CAPZB: variants seen among roughly 807,000 people sequenced by gnomAD.
CAPZB encodes the protein F-actin-capping protein subunit beta.
In CAPZB, 2 loss-of-function variants were observed where a neutral mutation model predicts 38.1. The ratio of observed to expected loss-of-function variants is 0.05; its 90% CI spans 0.02 to 0.17. CAPZB has a LOEUF of 0.17. CAPZB is among the 10% of genes least tolerant of loss of function. The pLI is 1.00. For missense variants in CAPZB, 161 were observed against 334.2 expected (o/e 0.48, Z 4.04); for synonymous variants, 107 against 127.4 (o/e 0.84, Z 1.08).
intron 2 of CAPZB, among the ~76,000 whole-genome samples, chr1:19,409,731 G>A (rs1312602623): frequency 2.6e-5 from 4 of 152,212 alleles, no homozygotes; most frequent in Admixed American, 1.3e-4. Flanking sequence ...AGAGAGAAGC[G>A]TTTTGCCAAA....
intron 1 of CAPZB, among the ~76,000 whole-genome samples, chr1:19,451,151 G>A (rs1370831373): frequency 6.6e-6 from 1 of 152,184 alleles, no homozygotes; most frequent in African/African-American, 2.4e-5. Context: ...AGGACCAGCT[G>A]TTGCTATTTC....
chr1:19,348,691 G>A (rs1437465528), intron 6 of CAPZB, among the ~76,000 whole-genome samples: 2 of 147,622 alleles, frequency 1.4e-5, no homozygotes, highest in Non-Finnish European at 3.0e-5. Context: ...GTCCCTGACA[G>A]GCATCTGCTC....
intron 3 of CAPZB, among the ~76,000 whole-genome samples, chr1:19,381,472 C>T (rs532097216): frequency 4.5e-4 from 68 of 152,162 alleles, no homozygotes; most frequent in African/African-American, 1.6e-3. Context: ...CCTCACAGCC[C>T]GGGAGAGGAA....
intron 2 of CAPZB, among the ~76,000 whole-genome samples, chr1:19,396,192 G>A (rs2094267945): frequency 1.3e-5 from 2 of 152,218 alleles, no homozygotes; most frequent in Admixed American, 6.5e-5. Flanking sequence ...GGGCAGTGAT[G>A]AGCTGTCTGG....
intron 1 of CAPZB, among the ~76,000 whole-genome samples, chr1:19,479,252 G>C (rs1368259343): frequency 6.6e-6 from 1 of 152,120 alleles, no homozygotes; most frequent in East Asian, 1.9e-4. Flanking sequence ...TATTCCTACA[G>C]CTGCCATGCA....
intron 1 of CAPZB, among the ~76,000 whole-genome samples, chr1:19,450,572 G>A (rs1007019373): frequency 1.3e-5 from 2 of 152,168 alleles, no homozygotes; most frequent in Non-Finnish European, 2.9e-5. Context: ...TCATAGATGA[G>A]GGGACTGAGG....
intron 1 of CAPZB, among the ~76,000 whole-genome samples, chr1:19,421,804 C>A (rs1425794501): frequency 6.6e-6 from 1 of 152,148 alleles, no homozygotes; most frequent in Non-Finnish European, 1.5e-5. Flanking sequence ...CAGTATCTTC[C>A]TTAGAGAGTG....
In CAPZB at chr1:19,448,943, G is replaced by A. The variant is rs762233431; in HGVS notation, c.4-29193C>T. The A allele has an allele frequency of 6.2e-6, 10 of 1,612,304 alleles. No individual in the cohort carries two copies. The East Asian group carries it at 6.7e-5, about 11-fold the overall frequency. On this transcript the variant is annotated intron_variant, in intron 1 of 8. Coordinates refer to ENST00000264202, the MANE Select transcript of CAPZB (RefSeq NM_004930.5). ...AGGAGGTGATGGGTTAATAACAATC[G>A]TTTTGCAGGCAGGGGAGGCGAGGGG...
chr1:19,340,997 G>C (rs536479927), intron 8 of CAPZB, among the ~76,000 whole-genome samples: 2 of 152,264 alleles, frequency 1.3e-5, no homozygotes, highest in East Asian at 1.9e-4. Context: ...TGGGCAAATG[G>C]AAGTGAAGCA....
Position 19,356,625 on chromosome 1 carries a change from G to A in CAPZB, c.588+10C>T, listed in dbSNP as rs1558181374. 2 of 1,595,206 alleles carry A rather than the reference G, an allele frequency of 1.3e-6. No individual in the cohort carries two copies. Among genetic ancestry groups the A allele is most frequent in the Admixed American group, 1.7e-5 (1 of 60,006 alleles). ...GGCACTGGCAAGTGGCTATGAGCGGGTAACTCTACCTGTCTGGTAAGGCTG... is the reference window on the plus strand; with the variant it reads ...GGCACTGGCAAGTGGCTATGAGCGGATAACTCTACCTGTCTGGTAAGGCTG... On this transcript the variant is annotated intron_variant, in intron 6 of 8. Coordinates refer to ENST00000264202, the MANE Select transcript of CAPZB (RefSeq NM_004930.5). The surrounding 1 kb of genome is among the most constrained non-coding windows in gnomAD (Gnocchi z 4.3).
At chr1:19,381,033 G>A (rs1373267356) in intron 3 of CAPZB, among the ~76,000 whole-genome samples, 4 of 152,024 alleles carry the variant, frequency 2.6e-5, no homozygotes, top group Admixed American at 1.3e-4. Flanking sequence ...GCTGGGTGTG[G>A]TGGCATGCAC....
Position 19,357,582 on chromosome 1 carries a change from T to A in CAPZB, c.330-19A>T. Reference sequence around the variant, plus strand: ...AAAATACCTGCAGGAAACAGGCCAATGTGCCTGTTAGATGCTAAAGGACAG... The same window carrying A: ...AAAATACCTGCAGGAAACAGGCCAAAGTGCCTGTTAGATGCTAAAGGACAG... On this transcript the variant is annotated intron_variant, in intron 4 of 8. Transcript: ENST00000264202. The surrounding 1 kb of genome is among the most constrained non-coding windows in gnomAD (Gnocchi z 4.3). The A allele has an allele frequency of 6.2e-7, 1 of 1,613,748 alleles. No individual in the cohort carries two copies. The highest frequency in any genetic ancestry group is 1.7e-4 in the Middle Eastern group (1 of 6,060).
At chr1:19,375,222 T>TA (rs2094138995) in intron 4 of CAPZB, among the ~76,000 whole-genome samples, 1 of 152,224 alleles carries the variant, frequency 6.6e-6, no homozygotes, top group Non-Finnish European at 1.5e-5. Flanking sequence ...TTTTAGACTA[T>TA]AAATGGGTTG....
chr1:19,463,561 A>G (rs2094559098), intron 1 of CAPZB, among the ~76,000 whole-genome samples: 1 of 152,120 alleles, frequency 6.6e-6, no homozygotes, highest in Non-Finnish European at 1.5e-5. Flanking sequence ...TGGTTGGGAG[A>G]GCAAAAGGCC....
intron 8 of CAPZB, chr1:19,342,659 T>C: frequency 1.3e-6 from 1 of 769,922 alleles, no homozygotes; most frequent in Non-Finnish European, 2.3e-6. Flanking sequence ...GTGGTTTAAA[T>C]GGCCGCGGAG....
At chr1:19,354,325 C>T (rs1162330890) in intron 6 of CAPZB, among the ~76,000 whole-genome samples, 2 of 152,150 alleles carry the variant, frequency 1.3e-5, no homozygotes, top group African/African-American at 4.8e-5. Flanking sequence ...GGCGTTTTTC[C>T]AAGGCTCCTC....
intron 1 of CAPZB, among the ~76,000 whole-genome samples, chr1:19,447,825 C>T (rs1448786209): frequency 6.6e-6 from 1 of 152,210 alleles, no homozygotes; most frequent in Admixed American, 6.5e-5. Context: ...AATGCTGGGC[C>T]TCTCTGATGC....
At chr1:19,355,679 C>T (rs1208186243) in intron 6 of CAPZB, among the ~76,000 whole-genome samples, 1 of 152,168 alleles carries the variant, frequency 6.6e-6, no homozygotes, top group African/African-American at 2.4e-5. Context: ...AGTGGCGCCC[C>T]GCTGAGGCTC....
At chr1:19,484,064 G>A (rs1484263893) in intron 1 of CAPZB, 1 of 939,096 alleles carries the variant, frequency 1.1e-6, no homozygotes, top group African/African-American at 1.7e-5. Context: ...GTGGCAGGAG[G>A]GCAGGTCTAT....
Sources: allele counts gnomAD v4.1 joint callset (sites outside exome capture counted in the v4.1 genomes callset), GRCh38; gene constraint gnomAD v4.1.1; non-coding constraint Gnocchi (gnomAD v3.1); transcripts MANE v1.5; gene names NCBI Gene and HGNC (gene_info 2026-07-23, HGNC 2026-07-21).